The following CYREN variants were observed in gnomAD, a reference collection of about 807,000 sequenced individuals.
The protein encoded by CYREN is cell cycle regulator of NHEJ, also known as cell cycle regulator of non-homologous end joining.
CYREN carries 7 observed loss-of-function variants against 9.7 expected under a neutral mutation model. The observed-to-expected ratio is 0.72, with a 90% CI of 0.41 to 1.36. The LOEUF is 1.36. Ranked by LOEUF, CYREN falls within the 40% of genes most tolerant of loss-of-function variation. The pLI is 0.01. For synonymous variants in CYREN, 76 were observed against 77.9 expected (o/e 0.98, Z 0.13); for missense variants, 215 against 198.1 (o/e 1.09, Z -0.51).
At chr7:135,164,217 A>C (rs1164004385), downstream of CYREN, among the ~76,000 whole-genome samples, 2 of 152,246 alleles carry the variant, frequency 1.3e-5, no homozygotes, top group African/African-American at 2.4e-5. Flanking sequence ...TCCTGACCTC[A>C]AATCAGAGGG....
chr7:135,169,188 G>A (rs1830463499), intron 1 of CYREN, 128 bp from the exon 2 acceptor site: 2 of 338,022 alleles, frequency 5.9e-6, no homozygotes, highest in Admixed American at 4.8e-5. Context: ...ACAGGCATCA[G>A]GCAGGTGTGA....
chr7:135,135,167 A>C, intron 2 of CYREN: 2 of 1,551,078 alleles, frequency 1.3e-6, no homozygotes, highest in South Asian at 2.4e-5. Context: ...AGCTCTAAGC[A>C]TACAGCCCTC....
Position 135,167,723 on chromosome 7 carries a change from T to C in CYREN, c.213+9A>G. On this transcript the variant is annotated intron_variant, in intron 3 of 3. Transcript: ENST00000393114. ...TCTGGTCATGAGTAAGAGGCTTGTC[T>C]GACTTTACCTCAATCAGGATTCCCA... is the stretch of plus-strand genomic sequence containing the variant. 1 of 1,614,074 alleles carries C rather than the reference T, an allele frequency of 6.2e-7. No homozygotes were observed.
intron 2 of CYREN, among the ~76,000 whole-genome samples, chr7:135,102,625 GT>G (rs57957640): frequency 2.4e-4 from 35 of 145,108 alleles, no homozygotes; most frequent in Non-Finnish European, 4.4e-4. Flanking sequence ...TTCTCTTGTG[GT>G]TTTTTTTTTT....
intron 2 of CYREN, among the ~76,000 whole-genome samples, chr7:135,141,970 C>T (rs906295258): frequency 3.9e-5 from 6 of 151,954 alleles, no homozygotes; most frequent in African/African-American, 4.8e-5. Context: ...GCCAAGCATG[C>T]GGTTGATCTT....
chr7:135,142,649 T>C (rs1829474023), intron 2 of CYREN, among the ~76,000 whole-genome samples: 3 of 152,162 alleles, frequency 2.0e-5, no homozygotes, highest in South Asian at 4.1e-4. Context: ...TAGGTTAATA[T>C]ACAAAAGTCA....
intron 2 of CYREN, among the ~76,000 whole-genome samples, chr7:135,153,987 T>A (rs955768698): frequency 1.3e-5 from 2 of 152,208 alleles, no homozygotes; most frequent in Non-Finnish European, 2.9e-5. Flanking sequence ...TTGGGAGTTT[T>A]TTATTATTGA....
At chr7:135,145,690 G>C (rs1359276207) in intron 2 of CYREN, among the ~76,000 whole-genome samples, 2 of 152,258 alleles carry the variant, frequency 1.3e-5, no homozygotes, top group Middle Eastern at 3.4e-3. Flanking sequence ...AGTTATGCAG[G>C]ATAGGAAAAG....
chr7:135,133,466 A>C (rs1417192792), intron 2 of CYREN, among the ~76,000 whole-genome samples: 1 of 152,230 alleles, frequency 6.6e-6, no homozygotes, highest in African/African-American at 2.4e-5. Context: ...AAAATAGCAA[A>C]AACAATTTTG....
intron 2 of CYREN, chr7:135,168,013 A>C (rs1585373799): frequency 1.0e-5 from 8 of 803,724 alleles, no homozygotes; most frequent in African/African-American, 1.7e-5. Context: ...TGGAGGCAAC[A>C]CCGGGGTGCC....
At chr7:135,158,095 A>C (rs1264185588) in intron 2 of CYREN, among the ~76,000 whole-genome samples, 1 of 152,038 alleles carries the variant, frequency 6.6e-6, no homozygotes, top group Admixed American at 6.5e-5. Flanking sequence ...CAGCCACATC[A>C]AGTTGAACTC....
At chr7:135,164,550 G>A (rs1167393993), downstream of CYREN, 2 of 1,614,072 alleles carry the variant, frequency 1.2e-6, no homozygotes, top group Non-Finnish European at 1.7e-6. Flanking sequence ...CTGGGAGGCT[G>A]GCAACCTCAC....
chr7:135,148,634 G>C (rs562019204), intron 2 of CYREN, among the ~76,000 whole-genome samples: 1 of 152,312 alleles, frequency 6.6e-6, no homozygotes, highest in East Asian at 1.9e-4. Context: ...CTGTTCATCA[G>C]AAATAGGTAA....
At chr7:135,094,379 C>T (rs1326328414) in exon 3 of CYREN, 6 of 456,550 alleles carry the variant, frequency 1.3e-5, no homozygotes, top group African/African-American at 4.0e-5. Context: ...ATCTGCTTGT[C>T]TGAGGCAGAA....
At chr7:135,093,244 T>C (rs1299716767) in exon 3 of CYREN, 1 of 151,156 alleles carries the variant, frequency 6.6e-6, no homozygotes, top group African/African-American at 2.4e-5. Flanking sequence ...AGCGAAGCCA[T>C]TTCTATTTGT....
At chr7:135,105,723 T>G (rs977009692) in intron 2 of CYREN, among the ~76,000 whole-genome samples, 1 of 152,182 alleles carries the variant, frequency 6.6e-6, no homozygotes, top group Non-Finnish European at 1.5e-5. Flanking sequence ...GGCTTTTGTT[T>G]GTTTGTTTGT....
At chr7:135,128,914 A>G in intron 2 of CYREN, 1 of 1,499,700 alleles carries the variant, frequency 6.7e-7, no homozygotes, top group Admixed American at 1.7e-5. Flanking sequence ...TTTAATAGTA[A>G]TTTGTTCCTG....
intron 2 of CYREN, among the ~76,000 whole-genome samples, chr7:135,133,474 T>C (rs1221327134): frequency 6.6e-6 from 1 of 152,144 alleles, no homozygotes; most frequent in Non-Finnish European, 1.5e-5. Flanking sequence ...AAAAACAATT[T>C]TGACAAACAA....
chr7:135,165,196 T>C (rs752865061), downstream of CYREN: 89 of 569,140 alleles, frequency 1.6e-4, no homozygotes, highest in African/African-American at 8.6e-4. Flanking sequence ...TAGTACAAGA[T>C]TGTCTGTCCT....
Sources: allele counts gnomAD v4.1 joint callset (sites outside exome capture counted in the v4.1 genomes callset), GRCh38; gene constraint gnomAD v4.1.1; transcripts MANE v1.5; gene names NCBI Gene and HGNC (gene_info 2026-07-23, HGNC 2026-07-21).